C12orf42: variants seen among roughly 807,000 people sequenced by gnomAD.
C12orf42 encodes the protein chromosome 12 open reading frame 42, also known as uncharacterized protein C12orf42.
A neutral mutation model predicts 21.6 loss-of-function variants in C12orf42; 25 were observed. The ratio of observed to expected loss-of-function variants is 1.16; its 90% CI spans 0.84 to 1.62. The LOEUF is 1.62. C12orf42 is among the 40% of genes most tolerant of loss of function. The probability of loss-of-function intolerance (pLI) is 0.00; values close to 1 mark genes in which losing one functional copy is unlikely to be tolerated. For synonymous variants in C12orf42, 174 were observed against 175.0 expected, an observed-to-expected ratio of 0.99 and a Z score of 0.05; for missense variants, 483 against 459.3, an observed-to-expected ratio of 1.05 and a Z score of -0.47.
chr12:103,415,321 A>G (rs1032442046), intron 2 of C12orf42, among the ~76,000 whole-genome samples: 2 of 152,154 alleles, frequency 1.3e-5, no homozygotes, highest in East Asian at 3.9e-4. Context: ...ACCACACAAT[A>G]CTACTGGGAG....
the C12orf42 span, chr12:103,548,865 C>A: frequency 1.3e-5 from 2 of 152,064 alleles, no homozygotes; most frequent in African/African-American, 4.8e-5. Flanking sequence ...TGGGGAGAAC[C>A]AGTTTGGACT....
chr12:103,234,969 T>C (rs1342040572), downstream of C12orf42, among the ~76,000 whole-genome samples: 1 of 152,148 alleles, frequency 6.6e-6, no homozygotes, highest in Non-Finnish European at 1.5e-5. Flanking sequence ...ATTCAATATA[T>C]AAATGTTAAA....
the C12orf42 span, among the ~76,000 whole-genome samples, chr12:103,200,300 G>C: frequency 6.6e-6 from 1 of 152,180 alleles, no homozygotes; most frequent in Non-Finnish European, 1.5e-5. Context: ...GAAGTAGAAA[G>C]TGGAATGGTG....
intron 2 of C12orf42, among the ~76,000 whole-genome samples, chr12:103,435,995 CAG>C (rs1950672098): frequency 6.6e-6 from 1 of 150,928 alleles, no homozygotes; most frequent in Non-Finnish European, 1.5e-5. Context: ...TAAGGGCAGC[CAG>C]AGAGAAAGGT....
At chr12:103,509,051 T>G in the C12orf42 span, among the ~76,000 whole-genome samples, 1 of 152,210 alleles carries the variant, frequency 6.6e-6, no homozygotes, top group Non-Finnish European at 1.5e-5. Context: ...GTTAAGTACC[T>G]TGCTCAAGGT....
At chr12:103,132,411 T>C in the C12orf42 span, among the ~76,000 whole-genome samples, 54,103 of 151,878 alleles carry the variant, frequency 0.36, 10,151 homozygotes, top group East Asian at 0.48. Flanking sequence ...CTACTGCATC[T>C]TAGCCACAGG....
chr12:103,070,529 CACACACACACACA>C, the C12orf42 span, among the ~76,000 whole-genome samples: 14 of 151,890 alleles, frequency 9.2e-5, no homozygotes, highest in Non-Finnish European at 1.9e-4. Context: ...CACACACACA[CACACACACACACA>C]CCCGACACAG....
the C12orf42 span, among the ~76,000 whole-genome samples, chr12:103,167,209 C>T: frequency 3.3e-5 from 5 of 152,324 alleles, no homozygotes; most frequent in Admixed American, 1.3e-4. Flanking sequence ...GCCCCAGGTA[C>T]TACAGACCTT....
chr12:103,440,620 A>G (rs1951168997), intron 2 of C12orf42, among the ~76,000 whole-genome samples: 1 of 152,104 alleles, frequency 6.6e-6, no homozygotes, highest in African/African-American at 2.4e-5. Flanking sequence ...CTACAAATCC[A>G]TGAGATATGT....
At chr12:103,555,583 G>A in the C12orf42 span, among the ~76,000 whole-genome samples, 1 of 152,116 alleles carries the variant, frequency 6.6e-6, no homozygotes, top group Non-Finnish European at 1.5e-5. Flanking sequence ...ACCACACTTT[G>A]AGTAGCTCTG....
intron 4 of C12orf42, among the ~76,000 whole-genome samples, chr12:103,284,595 A>C (rs2036327918): frequency 6.6e-6 from 1 of 152,252 alleles, no homozygotes; most frequent in Admixed American, 6.5e-5. Context: ...GGTTATTAAA[A>C]GACAAGGTAA....
chr12:103,413,952 G>T (rs2049073185), intron 2 of C12orf42, among the ~76,000 whole-genome samples: 1 of 152,036 alleles, frequency 6.6e-6, no homozygotes, highest in South Asian at 2.1e-4. Context: ...ATTGTGAATT[G>T]TGCTGCTATA....
chr12:103,360,871 G>C (rs779825555), intron 4 of C12orf42, among the ~76,000 whole-genome samples: 25 of 152,150 alleles, frequency 1.6e-4, no homozygotes, highest in Non-Finnish European at 3.4e-4. Context: ...AGCTAAATAA[G>C]TTAAAGTATA....
intron 10 of C12orf42, among the ~76,000 whole-genome samples, chr12:103,245,550 C>T (rs945027400): frequency 6.6e-6 from 1 of 151,900 alleles, no homozygotes; most frequent in Non-Finnish European, 1.5e-5. Context: ...AAATAAAATG[C>T]CTTGTTAGAT....
chr12:103,135,706 A>AC, the C12orf42 span, among the ~76,000 whole-genome samples: 1 of 152,190 alleles, frequency 6.6e-6, no homozygotes, highest in Middle Eastern at 3.2e-3. Flanking sequence ...CAAATAATAG[A>AC]CCATGACCAA....
At chr12:103,328,273 T>C (rs1228132891) in intron 4 of C12orf42, among the ~76,000 whole-genome samples, 2 of 152,110 alleles carry the variant, frequency 1.3e-5, no homozygotes, top group Non-Finnish European at 2.9e-5. Flanking sequence ...AACTAAATGC[T>C]CTAATAGGAC....
the C12orf42 span, among the ~76,000 whole-genome samples, chr12:103,544,447 G>A: frequency 1.3e-5 from 2 of 152,076 alleles, no homozygotes; most frequent in East Asian, 3.9e-4. Context: ...TCTTTCTTCA[G>A]GTGTTCCAGA....
the C12orf42 span, among the ~76,000 whole-genome samples, chr12:103,511,325 T>A: frequency 6.6e-6 from 1 of 150,772 alleles, no homozygotes; most frequent in African/African-American, 2.4e-5. Context: ...AATCATATAT[T>A]TTTTATATAT....
chr12:103,240,081 AC>A lies in C12orf42; in HGVS notation c.*1367-2180del, dbSNP rs1322119934. Among the ~76,000 whole-genome samples, 13 of 152,356 alleles carry A rather than the reference AC, an allele frequency of 8.5e-5. No homozygotes were observed. The East Asian group carries it at 1.9e-3, about 23-fold the overall frequency. On this transcript the variant is annotated intron_variant and NMD_transcript_variant, in intron 10 of 10. Coordinates refer to the C12orf42 transcript ENST00000547347. ...GAATTATTAACACCACTAAGCATTT[AC>A]TAATATACTACATACAATAAATATT... is the stretch of plus-strand genomic sequence containing the variant.
Sources: gnomAD v4.1 joint callset for allele counts (sites outside exome capture counted in the v4.1 genomes callset) on GRCh38, gnomAD v4.1.1 for gene constraint, MANE v1.5 for transcripts, NCBI Gene and HGNC (gene_info 2026-07-23, HGNC 2026-07-21) for gene names.